Variants in UROC1 observed in about 807,000 individuals in gnomAD.
UROC1 encodes the protein urocanate hydratase.
A neutral mutation model predicts 89.5 loss-of-function variants in UROC1; 79 were observed. The observed-to-expected ratio is 0.88, with a 90% CI of 0.74 to 1.06. UROC1 has a LOEUF of 1.06. Among genes scored for constraint, UROC1 ranks in the 50% least tolerant of loss-of-function variants. The pLI, the probability that UROC1 is intolerant of heterozygous loss-of-function variation, is 0.00. For missense variants in UROC1, 885 were observed against 907.8 expected (o/e 0.97, Z 0.32); for synonymous variants, 361 against 354.8 (o/e 1.02, Z -0.20).
intron 18 of UROC1, among the ~76,000 whole-genome samples, chr3:126,485,048 A>T (rs551983740): frequency 2.6e-4 from 39 of 152,388 alleles, no homozygotes; most frequent in African/African-American, 8.9e-4. Flanking sequence ...TGGGAACGCT[A>T]ACACATTGCT....
At chr3:126,514,810 C>T (rs1461154701) in intron 1 of UROC1, among the ~76,000 whole-genome samples, 2 of 151,864 alleles carry the variant, frequency 1.3e-5, no homozygotes, top group African/African-American at 4.8e-5. Flanking sequence ...TCTCCACAAC[C>T]CCCTGGTGTC....
At chr3:126,489,218 A>C in intron 17 of UROC1, 58 bp downstream of exon 17, 2 of 1,494,908 alleles carry the variant, frequency 1.3e-6, no homozygotes, top group Middle Eastern at 1.7e-4. Context: ...TAAATGCATC[A>C]ATTTTTAATA....
At chr3:126,507,477 G>A (rs528780337) in intron 6 of UROC1, among the ~76,000 whole-genome samples, 8 of 152,188 alleles carry the variant, frequency 5.3e-5, no homozygotes, top group East Asian at 3.9e-4. Flanking sequence ...CTGTAAATTC[G>A]GTCAATTTTC....
chr3:126,505,661 G>C (rs185458629), intron 8 of UROC1, 40 bp downstream of exon 8: 84 of 1,492,426 alleles, frequency 5.6e-5, no homozygotes, highest in South Asian at 1.9e-4. Context: ...GGGAGGGAGG[G>C]AGGCAGGCAG....
chr3:126,494,973 T>C (rs1460934223), intron 15 of UROC1, among the ~76,000 whole-genome samples: 1 of 152,160 alleles, frequency 6.6e-6, no homozygotes, highest in African/African-American at 2.4e-5. Context: ...GTCTCCGCTT[T>C]GCAGATGAGG....
chr3:126,492,829 C>T (rs1576714617), intron 15 of UROC1, among the ~76,000 whole-genome samples: 1 of 152,260 alleles, frequency 6.6e-6, no homozygotes, highest in Middle Eastern at 3.4e-3. Context: ...CATCTGTGCT[C>T]CAGGGAGGTT....
chr3:126,493,421 T>C (rs1273675229), intron 15 of UROC1, among the ~76,000 whole-genome samples: 1 of 152,216 alleles, frequency 6.6e-6, no homozygotes. Flanking sequence ...ATACAGTGGA[T>C]TGTGATTCAG....
At chr3:126,484,302 C>T (rs1476016145) in intron 18 of UROC1, among the ~76,000 whole-genome samples, 1 of 152,178 alleles carries the variant, frequency 6.6e-6, no homozygotes, top group Non-Finnish European at 1.5e-5. Context: ...GGATGACCTT[C>T]CCCATCCTCA....
intron 2 of UROC1, among the ~76,000 whole-genome samples, chr3:126,510,459 T>C (rs894623484): frequency 6.6e-6 from 1 of 152,212 alleles, no homozygotes; most frequent in Non-Finnish European, 1.5e-5. Flanking sequence ...GCCCCTATCT[T>C]CTGGCAGGCT....
intron 2 of UROC1, among the ~76,000 whole-genome samples, chr3:126,510,109 A>G (rs572770082): frequency 6.6e-6 from 1 of 152,320 alleles, no homozygotes; most frequent in Admixed American, 6.5e-5. Context: ...GGATGACTCA[A>G]GGCAAGCCTG....
Position 126,501,202 on chromosome 3 carries a change from C to G in UROC1, c.965+16G>C. The stretch of plus-strand genomic sequence containing the variant: ...TGGGTTCCCAAGCTGGCCATCAACT[C>G]CCAACCCCCACTCACCAAAGAGCCA... On this transcript the variant is annotated intron_variant, in intron 10 of 19. Coordinates refer to ENST00000290868, the MANE Select transcript of UROC1 (RefSeq NM_144639.3). 5.6e-6 allele frequency: 9 copies of G among 1,614,016 alleles called. No individual in the cohort carries two copies. Among genetic ancestry groups the G allele is most frequent in the Non-Finnish European group, 7.6e-6 (9 of 1,179,896 alleles).
chr3:126,486,094 G>C (rs543007601), intron 18 of UROC1, among the ~76,000 whole-genome samples: 6 of 152,338 alleles, frequency 3.9e-5, no homozygotes, highest in Admixed American at 3.3e-4. Flanking sequence ...TCAGGAGCTG[G>C]TGGTCAGCAC....
At chr3:126,496,197 C>T (rs1935772921) in intron 14 of UROC1, 89 bp from the exon 15 acceptor site, 7 of 1,340,966 alleles carry the variant, frequency 5.2e-6, no homozygotes, top group Non-Finnish European at 7.3e-6. Flanking sequence ...ACAGACCCTG[C>T]CCCGAGCCCA....
intron 14 of UROC1, 37 bp from the exon 15 acceptor site, chr3:126,496,145 C>T (rs1935771967): frequency 1.3e-6 from 2 of 1,599,412 alleles, no homozygotes; most frequent in Admixed American, 3.4e-5. Context: ...AGAGACCCTC[C>T]AGGGGCACAG....
Position 126,504,076 on chromosome 3 carries a change from T to TTA in UROC1, c.819_820dup (p.Lys274IlefsTer14), listed in dbSNP as rs1935999291. The TTA allele has an allele frequency of 1.2e-6, 2 of 1,613,850 alleles. No homozygotes were observed. The highest frequency in any genetic ancestry group is 2.2e-5 in the South Asian group (2 of 91,078). On this transcript the variant is annotated frameshift_variant, in exon 9 of 20. Coordinates refer to ENST00000290868, the MANE Select transcript of UROC1 (RefSeq NM_144639.3). LOFTEE classifies it high-confidence loss of function. ...CCTGTGGCGTTTCTCAAGGGCTGCTTTATCCACCTGGGGCCATGAGACATG... is the reference window on the plus strand; with the variant it reads ...CCTGTGGCGTTTCTCAAGGGCTGCTTTATATCCACCTGGGGCCATGAGACATG...
rs772588153 is a variant in UROC1 at position 126,501,349 on chromosome 3, C to A, written c.903-69G>T. 9.5e-6 allele frequency: 15 copies of A among 1,582,406 alleles called. No homozygotes were observed. The East Asian group carries it at 2.5e-4, about 26-fold the overall frequency. On this transcript the variant is annotated intron_variant, in intron 9 of 19. Transcript: ENST00000290868. ...CATAGGTGCCCCAGACACACCTGCA[C>A]CCCAGCTGCACACAGGGGCAGACCC...
intron 15 of UROC1, 33 bp downstream of exon 15, chr3:126,496,005 C>T: frequency 6.2e-7 from 1 of 1,605,194 alleles, no homozygotes. Flanking sequence ...GACAGCACAG[C>T]CACCCCAGCC....
chr3:126,504,428 T>C (rs925036233), intron 8 of UROC1, among the ~76,000 whole-genome samples: 8 of 152,292 alleles, frequency 5.3e-5, no homozygotes, highest in South Asian at 4.2e-4. Flanking sequence ...AGGAGAGGGT[T>C]TGGAGACATG....
In UROC1 at chr3:126,510,761, G is replaced by A; in HGVS notation, c.160C>T (p.Pro54Ser). 6.2e-7 allele frequency: 1 copy of A among 1,614,026 alleles called. No homozygotes were observed. Among genetic ancestry groups the A allele is most frequent in the Non-Finnish European group, 8.5e-7 (1 of 1,180,040 alleles). ...GGGGCCAGCAGCTCCTGGACATCCGGGGGGAAGTAGCGCAGGGCGTTCCTC... is the reference window on the plus strand; with the variant it reads ...GGGGCCAGCAGCTCCTGGACATCCGAGGGGAAGTAGCGCAGGGCGTTCCTC... ...ALRNALRYFP[P>S]DVQELLAPEF... The change falls in exon 2 of 20, where the codon CCG becomes TCG. Residue 54 changes from proline to serine, a missense_variant. Pro to Ser is a moderately conservative substitution (Grantham distance 74). Transcript: ENST00000290868.
Sources: gnomAD v4.1 joint callset for allele counts (sites outside exome capture counted in the v4.1 genomes callset) on GRCh38, gnomAD v4.1.1 for gene constraint, MANE v1.5 for transcripts, NCBI Gene and HGNC (gene_info 2026-07-23, HGNC 2026-07-21) for gene names.